The following PDE8B variants were observed in gnomAD, a reference collection of about 807,000 sequenced individuals.
PDE8B encodes the protein phosphodiesterase 8B.
A neutral mutation model predicts 101.3 loss-of-function variants in PDE8B; 26 were observed. That is an observed-to-expected ratio of 0.26 (90% CI 0.19 to 0.36). PDE8B has a LOEUF of 0.36. Among genes scored for constraint, PDE8B ranks in the 10% least tolerant of loss-of-function variants. The pLI is 1.00. For missense variants in PDE8B, 810 were observed against 1,163.1 expected (o/e 0.70, Z 4.42); for synonymous variants, 424 against 429.3 (o/e 0.99, Z 0.15).
chr5:77,291,423 G>T (rs1000051398), intron 1 of PDE8B: 2 of 1,611,498 alleles, frequency 1.2e-6, no homozygotes. Flanking sequence ...ACCGACAATT[G>T]TGACAGGTCT....
chr5:77,117,300 T>C, the PDE8B span, among the ~76,000 whole-genome samples: 11 of 152,160 alleles, frequency 7.2e-5, no homozygotes, highest in African/African-American at 2.7e-4. Flanking sequence ...GTTATATATA[T>C]GCATTTTTTT....
intron 5 of PDE8B, 60 bp from the exon 6 acceptor site, chr5:77,337,167 A>G (rs1778348726): frequency 1.1e-6 from 1 of 919,618 alleles, no homozygotes; most frequent in Non-Finnish European, 1.8e-6. Flanking sequence ...AAGTTTCTCT[A>G]TTTGACTCTC....
chr5:77,188,644 A>C, the PDE8B span, among the ~76,000 whole-genome samples: 1 of 152,210 alleles, frequency 6.6e-6, no homozygotes, highest in Non-Finnish European at 1.5e-5. Context: ...GCACAAGAGG[A>C]AAATAAGTAG....
At position 77,380,132 on chromosome 5, in the gene PDE8B, G is replaced by T. The variant is rs73764854; in HGVS notation, c.1168-20116G>T. Among the ~76,000 whole-genome samples the T allele has an allele frequency of 7.8e-3, 1,194 of 152,286 alleles. 23 individuals carry two copies. The highest frequency in any genetic ancestry group is 0.027 in the African/African-American group (1,131 of 41,564). ...TTCCATAACATTCAGGGGAATGGAG[G>T]ATGAGACAAAAACAAAACAATATAA... is the stretch of plus-strand genomic sequence containing the variant. On this transcript the variant is annotated intron_variant, in intron 10 of 21. Transcript: ENST00000264917.
chr5:77,095,654 G>A, the PDE8B span, among the ~76,000 whole-genome samples: 3 of 152,164 alleles, frequency 2.0e-5, no homozygotes, highest in Non-Finnish European at 2.9e-5. Flanking sequence ...CTTGCAAATC[G>A]ACATAGATGG....
rs1753157127 is a variant in PDE8B at position 77,229,693 on chromosome 5, T to A, written c.339+18429T>A. 2.0e-5 allele frequency among the ~76,000 whole-genome samples: 3 copies of A among 152,260 alleles called. No individual in the cohort carries two copies. The South Asian group carries it at 6.2e-4, about 32-fold the overall frequency. On this transcript the variant is annotated intron_variant, in intron 1 of 21. Coordinates refer to ENST00000264917, the MANE Select transcript of PDE8B (RefSeq NM_003719.5). ...ATTTCCTATAGATGGACTCATACAATATGTAGGGTTTGTGTCTGGCTTCTT... is the reference window on the plus strand; with the variant it reads ...ATTTCCTATAGATGGACTCATACAAAATGTAGGGTTTGTGTCTGGCTTCTT...
At chr5:77,224,998 G>A (rs1267927614) in intron 1 of PDE8B, among the ~76,000 whole-genome samples, 1 of 152,052 alleles carries the variant, frequency 6.6e-6, no homozygotes, top group African/African-American at 2.4e-5. Context: ...TATAGGTAGT[G>A]TCATGGACCT....
At chr5:77,158,212 T>C in the PDE8B span, among the ~76,000 whole-genome samples, 18 of 152,132 alleles carry the variant, frequency 1.2e-4, no homozygotes, top group Non-Finnish European at 2.6e-4. Context: ...TAGCTGGAGA[T>C]ATAAAGAAAT....
chr5:77,124,595 A>AAAAG, the PDE8B span, among the ~76,000 whole-genome samples: 216 of 150,302 alleles, frequency 1.4e-3, no homozygotes, highest in Middle Eastern at 6.8e-3. Flanking sequence ...CAAAAAAAAA[A>AAAAG]AAAGAAAGAA....
intron 9 of PDE8B, 51 bp downstream of exon 9, chr5:77,351,204 C>T: frequency 7.4e-7 from 1 of 1,349,278 alleles, no homozygotes; most frequent in South Asian, 1.2e-5. Context: ...ACTCAAGGCC[C>T]TCATGGGCAT....
intron 5 of PDE8B, among the ~76,000 whole-genome samples, chr5:77,334,923 C>G (rs1777841482): frequency 6.6e-6 from 1 of 152,200 alleles, no homozygotes; most frequent in African/African-American, 2.4e-5. Flanking sequence ...TCCCCCTCCT[C>G]TCACACCTGA....
At chr5:77,087,673 T>C in the PDE8B span, 1 of 152,202 alleles carries the variant, frequency 6.6e-6, no homozygotes, top group South Asian at 2.1e-4. Flanking sequence ...CTCAAGCGAA[T>C]TACTGTGGCT....
At chr5:77,099,035 C>T in the PDE8B span, among the ~76,000 whole-genome samples, 78 of 152,262 alleles carry the variant, frequency 5.1e-4, 1 homozygote, top group South Asian at 0.012. Flanking sequence ...CAAACCATAG[C>T]CATCATCTTC....
intron 2 of PDE8B, among the ~76,000 whole-genome samples, chr5:77,320,857 G>C (rs1346606692): frequency 6.6e-6 from 1 of 151,974 alleles, no homozygotes; most frequent in African/African-American, 2.4e-5. Context: ...TTAAAAAATG[G>C]CCATGTCAAA....
the PDE8B span, among the ~76,000 whole-genome samples, chr5:77,164,507 C>T: frequency 6.6e-6 from 1 of 152,272 alleles, no homozygotes; most frequent in East Asian, 1.9e-4. Context: ...CTTGCTCAGT[C>T]CTTTACTCAA....
At chr5:77,426,108 T>C (rs1798056588) in intron 21 of PDE8B, 6 of 625,816 alleles carry the variant, frequency 9.6e-6, no homozygotes, top group Middle Eastern at 4.3e-4. Context: ...GGATTTTTGA[T>C]AGCTGGATAA....
chr5:77,404,222 G>A (rs1292400342), intron 11 of PDE8B, among the ~76,000 whole-genome samples: 2 of 152,146 alleles, frequency 1.3e-5, no homozygotes, highest in Non-Finnish European at 1.5e-5. Context: ...TCCTGACTTC[G>A]TGATCTGCCC....
chr5:77,135,473 A>AT, the PDE8B span, among the ~76,000 whole-genome samples: 18,490 of 121,450 alleles, frequency 0.15, 1,851 homozygotes, highest in East Asian at 0.41. Context: ...AGCCAGAGGA[A>AT]TTTTTTTTTT....
chr5:77,109,934 T>TTG, the PDE8B span, among the ~76,000 whole-genome samples: 4 of 110,586 alleles, frequency 3.6e-5, no homozygotes, highest in African/African-American at 3.9e-5. Context: ...TCAGTTTTTT[T>TTG]TTTTTTTTTT....
Sources: gnomAD v4.1 joint callset for allele counts (sites outside exome capture counted in the v4.1 genomes callset) on GRCh38, gnomAD v4.1.1 for gene constraint, MANE v1.5 for transcripts, NCBI Gene and HGNC (gene_info 2026-07-23, HGNC 2026-07-21) for gene names.